PRKCB: variants seen among roughly 807,000 people sequenced by gnomAD.
PRKCB encodes protein kinase C beta.
A neutral mutation model predicts 81.5 loss-of-function variants in PRKCB; 13 were observed. That is an observed-to-expected ratio of 0.16 (90% CI 0.10 to 0.25). The LOEUF is 0.25. Ranked by LOEUF, PRKCB falls within the 10% of genes least tolerant of loss-of-function variation. PRKCB has a pLI of 1.00. For synonymous variants in PRKCB, 335 were observed against 321.4 expected (o/e 1.04, Z -0.45); for missense variants, 509 against 875.7 (o/e 0.58, Z 5.29).
chr16:23,958,607 T>C (rs1409217559), intron 2 of PRKCB, among the ~76,000 whole-genome samples: 1 of 152,138 alleles, frequency 6.6e-6, no homozygotes, highest in African/African-American at 2.4e-5. Context: ...CCAGCCTCTT[T>C]TTATTATTAT....
At chr16:23,848,239 G>A (rs914328152) in intron 2 of PRKCB, among the ~76,000 whole-genome samples, 1 of 152,180 alleles carries the variant, frequency 6.6e-6, no homozygotes, top group African/African-American at 2.4e-5. Flanking sequence ...ATGTGTGGGG[G>A]TGAGTGAAAT....
At chr16:23,878,740 G>A (rs8063132) in intron 2 of PRKCB, among the ~76,000 whole-genome samples, 119,537 of 152,182 alleles carry the variant, frequency 0.79, 47,069 homozygotes, top group East Asian at 0.98. Context: ...TGCAAATAAT[G>A]AGGATTGACT....
At chr16:23,986,548 G>A (rs918384058) in intron 2 of PRKCB, among the ~76,000 whole-genome samples, 7 of 152,010 alleles carry the variant, frequency 4.6e-5, no homozygotes, top group Non-Finnish European at 7.4e-5. Flanking sequence ...CACCACACCC[G>A]GTTTCTATTC....
intron 5 of PRKCB, among the ~76,000 whole-genome samples, chr16:24,086,084 C>A (rs1966307513): frequency 6.6e-6 from 1 of 152,052 alleles, no homozygotes; most frequent in South Asian, 2.1e-4. Flanking sequence ...TACAGCATGG[C>A]CAGTTACAGA....
At position 24,049,047 on chromosome 16, in the gene PRKCB, G is replaced by GTTTTTTTT. The variant is rs1160842975; in HGVS notation, c.529+13523_529+13530dup. The stretch of plus-strand genomic sequence containing the variant: ...TGATAACATTTCTTCAAATTGGCCT[G>GTTTTTTTT]TTTTTTTTTTTTTTTTTTTTTTTTT... On this transcript the variant is annotated intron_variant, in intron 5 of 16. Coordinates refer to ENST00000643927, the MANE Select transcript of PRKCB (RefSeq NM_002738.7). Among the ~76,000 whole-genome samples, 192 of 49,698 alleles carry GTTTTTTTT rather than the reference G, an allele frequency of 3.9e-3. 36 individuals carry two copies. Among genetic ancestry groups the GTTTTTTTT allele is most frequent in the African/African-American group, 5.1e-3 (64 of 12,430 alleles). The allele number at this position is 49,698 out of a possible 152,430, so 32.6% of individuals were successfully genotyped here.
intron 5 of PRKCB, among the ~76,000 whole-genome samples, chr16:24,090,202 G>A (rs531992247): frequency 6.6e-6 from 1 of 152,284 alleles, no homozygotes; most frequent in South Asian, 2.1e-4. Flanking sequence ...GTAAAAATGA[G>A]ATGCAGCTTG....
intron 2 of PRKCB, among the ~76,000 whole-genome samples, chr16:23,956,882 A>C (rs1449122073): frequency 6.6e-6 from 1 of 150,518 alleles, no homozygotes; most frequent in Non-Finnish European, 1.5e-5. Context: ...TATTTAATAC[A>C]TGGTGCTGGC....
At chr16:24,078,026 C>T (rs1228038618) in intron 5 of PRKCB, among the ~76,000 whole-genome samples, 1 of 152,226 alleles carries the variant, frequency 6.6e-6, no homozygotes, top group East Asian at 1.9e-4. Flanking sequence ...CATCACTTAA[C>T]GTTCTCACTG....
chr16:24,008,508 G>A (rs750087123), intron 3 of PRKCB, among the ~76,000 whole-genome samples: 10 of 152,234 alleles, frequency 6.6e-5, no homozygotes, highest in East Asian at 1.9e-4. Flanking sequence ...TTTATTGTAC[G>A]GGAAAAGTGT....
chr16:23,923,956 A>G (rs1293488372), intron 2 of PRKCB, among the ~76,000 whole-genome samples: 4 of 152,114 alleles, frequency 2.6e-5, no homozygotes, highest in Admixed American at 2.0e-4. Context: ...AGCGCTCCCT[A>G]TAAACACTTG....
In PRKCB at chr16:24,064,173, G is replaced by A. The variant is rs1052448622; in HGVS notation, c.530-28618G>A. Among the ~76,000 whole-genome samples, 6 of 151,932 alleles carry A rather than the reference G, an allele frequency of 3.9e-5. No homozygotes were observed. In the South Asian group the frequency reaches 8.3e-4, roughly 21 times the overall value. On this transcript the variant is annotated intron_variant, in intron 5 of 16. Coordinates refer to ENST00000643927, the MANE Select transcript of PRKCB (RefSeq NM_002738.7). ...ATGGGAAAGCAAGTAGGTAAAGGGA[G>A]CTTGAAAAAAAAATCATAGCAAATG...
intron 2 of PRKCB, among the ~76,000 whole-genome samples, chr16:23,896,185 AT>A (rs1446890433): frequency 3.3e-5 from 5 of 152,164 alleles, no homozygotes; most frequent in South Asian, 2.1e-4. Flanking sequence ...ATGAAAAAAA[AT>A]AAATATATTT....
At chr16:24,022,461 A>G (rs1345216793) in intron 3 of PRKCB, among the ~76,000 whole-genome samples, 1 of 152,110 alleles carries the variant, frequency 6.6e-6, no homozygotes. Context: ...TCTCAAAAGG[A>G]AGCAATATTT....
intron 5 of PRKCB, among the ~76,000 whole-genome samples, chr16:24,070,444 C>T (rs780174743): frequency 7.2e-5 from 11 of 152,068 alleles, no homozygotes; most frequent in Admixed American, 1.3e-4. Flanking sequence ...CCGTTGCGCC[C>T]GGCCTTGAAA....
chr16:24,191,128 A>G lies in PRKCB; in HGVS notation c.1761A>G (p.Gly587=). ...TKHPGKRLGC[G]PEGERDIKEH... is the part of the protein sequence containing the mutation. ...ACCCAGGCAAACGTCTGGGTTGTGG[A>G]CCTGAAGGCGAACGTGATATCAAAG... Residue 587 remains glycine, a synonymous_variant, in exon 16 of 17, where the codon GGA becomes GGG. Transcript: ENST00000643927. 1 of 1,614,124 alleles carries G rather than the reference A, an allele frequency of 6.2e-7. No homozygotes were observed. Among genetic ancestry groups the G allele is most frequent in the Non-Finnish European group, 8.5e-7 (1 of 1,180,006 alleles).
intron 2 of PRKCB, among the ~76,000 whole-genome samples, chr16:23,896,358 A>C (rs1963379860): frequency 6.6e-6 from 1 of 152,160 alleles, no homozygotes; most frequent in Non-Finnish European, 1.5e-5. Flanking sequence ...TCAATCAACA[A>C]ATATTTATTG....
At chr16:24,069,492 C>T (rs898668000) in intron 5 of PRKCB, among the ~76,000 whole-genome samples, 1 of 152,082 alleles carries the variant, frequency 6.6e-6, no homozygotes, top group Admixed American at 6.6e-5. Context: ...CCTGTAATCC[C>T]ACCTCTTTGG....
chr16:23,911,573 A>G (rs1252867703), intron 2 of PRKCB, among the ~76,000 whole-genome samples: 2 of 152,242 alleles, frequency 1.3e-5, no homozygotes, highest in Middle Eastern at 3.4e-3. Context: ...TTTAAAGAAA[A>G]CTATTAATCA....
intron 5 of PRKCB, among the ~76,000 whole-genome samples, chr16:24,080,428 T>G (rs1358944945): frequency 1.3e-5 from 2 of 152,156 alleles, no homozygotes; most frequent in Non-Finnish European, 1.5e-5. Context: ...ACCAGAATGA[T>G]TTCTAGATTC....
Sources: gnomAD v4.1 joint callset for allele counts (sites outside exome capture counted in the v4.1 genomes callset) on GRCh38, gnomAD v4.1.1 for gene constraint, MANE v1.5 for transcripts, NCBI Gene and HGNC (gene_info 2026-07-23, HGNC 2026-07-21) for gene names.